The following HELZ variants were observed in gnomAD, a reference collection of about 807,000 sequenced individuals.
HELZ encodes the protein helicase with zinc finger.
HELZ carries 23 observed loss-of-function variants against 218.2 expected under a neutral mutation model. That is an observed-to-expected ratio of 0.11 (90% CI 0.08 to 0.15). HELZ has a LOEUF of 0.15. Among genes scored for constraint, HELZ ranks in the 10% least tolerant of loss-of-function variants. The pLI is 1.00. For missense variants in HELZ, 1,813 were observed against 2,353.7 expected (o/e 0.77, Z 4.75); for synonymous variants, 814 against 829.4 (o/e 0.98, Z 0.32).
chr17:67,128,596 C>T (rs775425913), intron 24 of HELZ, 55 bp downstream of exon 24: 2 of 1,477,392 alleles, frequency 1.4e-6, no homozygotes, highest in South Asian at 2.3e-5. Context: ...ACCTTTGGCA[C>T]TTCTGCGAAG....
chr17:67,109,321 G>T lies in HELZ; in HGVS notation c.4284C>A (p.Asn1428Lys). 6.2e-7 allele frequency: 1 copy of T among 1,614,176 alleles called. No individual in the cohort carries two copies. Among genetic ancestry groups the T allele is most frequent in the Non-Finnish European group, 8.5e-7 (1 of 1,180,026 alleles). Residue 1428 changes from asparagine (N) to lysine (K), a missense_variant, in exon 29 of 33, where the codon AAC becomes AAA. Physicochemically the swap from Asn to Lys is moderately conservative, Grantham distance 94. This residue lies in a region of HELZ where 938 missense variants were observed against 1,027.5 expected (regional missense o/e 0.91). Coordinates refer to ENST00000358691, the MANE Select transcript of HELZ (RefSeq NM_014877.4). ...QLSPAYQAGP[N>K]NAFFNSAVAH... ...CAACTGCACTATTAAAAAAAGCATT[G>T]TTGGGTCCCGCCTGATATGCAGGAG... is the stretch of plus-strand genomic sequence containing the variant.
chr17:67,214,490 T>G (rs1478245828), intron 5 of HELZ, among the ~76,000 whole-genome samples: 2 of 151,642 alleles, frequency 1.3e-5, no homozygotes, highest in Non-Finnish European at 2.9e-5. Context: ...GGTTTCGAAC[T>G]CCTGACCTCA....
rs889381468 is a variant in HELZ, at chr17:67,223,189, G to A, written c.-18-4367C>T. 2.0e-5 allele frequency among the ~76,000 whole-genome samples: 3 copies of A among 152,074 alleles called. No homozygotes were observed. In the South Asian group the frequency reaches 6.2e-4, roughly 32 times the overall value. Reference sequence around the variant, plus strand: ...GAAGGAGAATGGCATGAACCCGGGAGGCAGAGCTTGCAGTGAGCCGAGATC... The same window carrying A: ...GAAGGAGAATGGCATGAACCCGGGAAGCAGAGCTTGCAGTGAGCCGAGATC... On this transcript the variant is annotated intron_variant, in intron 3 of 32. Transcript: ENST00000358691.
At chr17:67,082,863 T>G (rs886724758) in intron 32 of HELZ, among the ~76,000 whole-genome samples, 17 of 149,036 alleles carry the variant, frequency 1.1e-4, no homozygotes, top group Admixed American at 2.0e-4. Flanking sequence ...TTTTTTTGTT[T>G]TTTTTTTTTT....
chr17:67,087,002 A>T lies in HELZ; in HGVS notation c.5321T>A (p.Val1774Glu). The T allele has an allele frequency of 6.2e-7, 1 of 1,614,042 alleles. No individual in the cohort carries two copies. Among genetic ancestry groups the T allele is most frequent in the Non-Finnish European group, 8.5e-7 (1 of 1,179,976 alleles). The change falls in exon 32 of 33, where the codon GTA (valine) becomes GAA (glutamate). Residue 1774 changes from valine (V) to glutamate (E), a missense_variant. Val to Glu is a moderately radical substitution (Grantham distance 121). Coordinates refer to ENST00000358691, the MANE Select transcript of HELZ (RefSeq NM_014877.4). The stretch of plus-strand genomic sequence containing the variant: ...AGCCAGACTGTCTTGAGGAGTGCTT[A>T]CTTCTTCAGAACAAGGTTGAACTGA... The part of the protein sequence containing the change: ...SSSVQPCSEE[V>E]STPQDSLAQC...
chr17:67,209,137 A>G (rs2040388909), intron 5 of HELZ, among the ~76,000 whole-genome samples: 1 of 148,304 alleles, frequency 6.7e-6, no homozygotes, highest in South Asian at 2.1e-4. Flanking sequence ...AAAAAAAAAC[A>G]ACACTGGCAA....
At chr17:67,158,749 T>C (rs1220976178) in intron 17 of HELZ, among the ~76,000 whole-genome samples, 1 of 152,172 alleles carries the variant, frequency 6.6e-6, no homozygotes, top group Non-Finnish European at 1.5e-5. Context: ...ACAACAACTA[T>C]ACATGTACCC....
chr17:67,194,321 C>T (rs2039970948), intron 8 of HELZ, among the ~76,000 whole-genome samples: 1 of 152,172 alleles, frequency 6.6e-6, no homozygotes, highest in Non-Finnish European at 1.5e-5. Flanking sequence ...GCAATCTCTT[C>T]CCTAACAACA....
chr17:67,121,050 G>A (rs962482981), intron 26 of HELZ, among the ~76,000 whole-genome samples: 1 of 152,146 alleles, frequency 6.6e-6, no homozygotes. Context: ...TTAGCCTAAG[G>A]AGTCTCAACT....
At chr17:67,093,389 G>T (rs2036632133) in intron 31 of HELZ, among the ~76,000 whole-genome samples, 1 of 152,110 alleles carries the variant, frequency 6.6e-6, no homozygotes, top group South Asian at 2.1e-4. Context: ...CTTATCAAAA[G>T]AAGTTTCAGA....
rs528061407 is a variant in HELZ, at chr17:67,094,333, A to AAAGAGAGAGAG, written c.5242-7253_5242-7252insCTCTCTCTCTT. Among the ~76,000 whole-genome samples the AAAGAGAGAGAG allele has an allele frequency of 5.2e-3, 760 of 146,616 alleles. 15 individuals are homozygous for AAAGAGAGAGAG. Among genetic ancestry groups the AAAGAGAGAGAG allele is most frequent in the African/African-American group, 0.019 (726 of 38,014 alleles). On this transcript the variant is annotated intron_variant, in intron 31 of 32. Transcript: ENST00000358691. ...GGAGACCTGGTCTTGAAAAAAAAAA[A>AAAGAGAGAGAG]AGAGAGAGAGAGAGAGAGAGATACA... is the stretch of plus-strand genomic sequence containing the variant.
At position 67,124,002 on chromosome 17, in the gene HELZ, G is replaced by A. The variant is rs1295158958; in HGVS notation, c.3400C>T (p.His1134Tyr). The A allele has an allele frequency of 1.2e-6, 2 of 1,601,636 alleles. No individual in the cohort carries two copies. Among genetic ancestry groups the A allele is most frequent in the African/African-American group, 1.3e-5 (1 of 74,572 alleles). The change falls in exon 25 of 33, where the codon CAT (histidine) becomes TAT (tyrosine). Residue 1134 changes from histidine to tyrosine, a missense_variant. His to Tyr is a moderately conservative substitution (Grantham distance 83). Around this residue, in one of 4 missense-constraint regions of HELZ, gnomAD observed 938 missense variants for 1,027.5 expected, o/e 0.91. Coordinates refer to ENST00000358691, the MANE Select transcript of HELZ (RefSeq NM_014877.4). Reference sequence around the variant, plus strand: ...TGGAAGTGATCATTCTGGGTATGATGAAGACTTTTCCCCTTTAAAGAAAAA... The same window carrying A: ...TGGAAGTGATCATTCTGGGTATGATAAAGACTTTTCCCCTTTAAAGAAAAA... Reference protein sequence around the residue: ...QQSPPKGKSLHHTQNDHFQND... With the variant: ...QQSPPKGKSLYHTQNDHFQND...
chr17:67,203,450 T>G lies in HELZ; in HGVS notation c.248-7A>C. The stretch of plus-strand genomic sequence containing the variant: ...GCCAGTCCTTCTCCCAGCACTGCCA[T>G]GAAAGAACAGCCATCATTAACCATA... On this transcript the variant is annotated splice_region_variant and splice_polypyrimidine_tract_variant and intron_variant, in intron 5 of 32. Coordinates refer to ENST00000358691, the MANE Select transcript of HELZ (RefSeq NM_014877.4). 1 of 1,613,044 alleles carries G rather than the reference T, an allele frequency of 6.2e-7. No individual in the cohort carries two copies. Among genetic ancestry groups the G allele is most frequent in the Non-Finnish European group, 8.5e-7 (1 of 1,179,544 alleles).
At chr17:67,185,943 A>G (rs1056114358) in intron 12 of HELZ, among the ~76,000 whole-genome samples, 4 of 152,182 alleles carry the variant, frequency 2.6e-5, no homozygotes, top group Non-Finnish European at 4.4e-5. Context: ...TTTCAAACTA[A>G]TATGTTAGAA....
At chr17:67,079,559 A>G (rs2036123949) in intron 32 of HELZ, among the ~76,000 whole-genome samples, 1 of 152,176 alleles carries the variant, frequency 6.6e-6, no homozygotes, top group South Asian at 2.1e-4. Flanking sequence ...AGCCATACAA[A>G]TTCATGTATT....
intron 31 of HELZ, among the ~76,000 whole-genome samples, chr17:67,089,532 A>G (rs1383178365): frequency 2.0e-5 from 3 of 151,702 alleles, no homozygotes; most frequent in Non-Finnish European, 4.4e-5. Flanking sequence ...TGTAGATAAA[A>G]TATGAAATTC....
intron 3 of HELZ, 131 bp from the exon 4 acceptor site, chr17:67,218,953 A>T (rs1391268801): frequency 1.6e-6 from 1 of 625,982 alleles, no homozygotes; most frequent in African/African-American, 1.8e-5. Flanking sequence ...TCAAGGTCAC[A>T]GCTAAGCAGC....
chr17:67,222,873 G>A (rs369443085), intron 3 of HELZ, among the ~76,000 whole-genome samples: 1 of 152,050 alleles, frequency 6.6e-6, no homozygotes, highest in Non-Finnish European at 1.5e-5. Context: ...TGACACCCCT[G>A]CCTAGGACAC....
At chr17:67,207,284 G>A (rs1029131784) in intron 5 of HELZ, among the ~76,000 whole-genome samples, 2 of 131,930 alleles carry the variant, frequency 1.5e-5, no homozygotes, top group Admixed American at 8.5e-5. Context: ...GCAGTGGCAT[G>A]ATTAGGCTCA....
Sources: gnomAD v4.1 joint callset for allele counts (sites outside exome capture counted in the v4.1 genomes callset) on GRCh38, gnomAD v4.1.1 for gene constraint, gnomAD v4.1.1 regional missense constraint, MANE v1.5 for transcripts, NCBI Gene and HGNC (gene_info 2026-07-23, HGNC 2026-07-21) for gene names.